EVC2: variants seen among roughly 807,000 people sequenced by gnomAD.
EVC2 encodes limbin.
A neutral mutation model predicts 149.3 loss-of-function variants in EVC2; 148 were observed. That is an observed-to-expected ratio of 0.99 (90% CI 0.87 to 1.14). The LOEUF is 1.14. Among genes scored for constraint, EVC2 ranks in the 50% most tolerant of loss-of-function variants. The pLI, the probability that EVC2 is intolerant of heterozygous loss-of-function variation, is 0.00. For synonymous variants in EVC2, 776 were observed against 649.9 expected (o/e 1.19, Z -2.95); for missense variants, 1,854 against 1,627.3 (o/e 1.14, Z -2.40).
intron 12 of EVC2, among the ~76,000 whole-genome samples, chr4:5,627,660 T>C (rs897975078): frequency 6.6e-6 from 1 of 152,172 alleles, no homozygotes; most frequent in Non-Finnish European, 1.5e-5. Flanking sequence ...CCTCAAAGAA[T>C]AGCTGAGAAG....
Position 5,576,408 on chromosome 4 carries a change from T to C in EVC2, c.3104A>G (p.Gln1035Arg), listed in dbSNP as rs752619592. The change falls in exon 18 of 22, where the codon CAG (glutamine) becomes CGG (arginine). Residue 1035 changes from glutamine (Q) to arginine (R), a missense_variant. By Grantham distance (43) the Gln-to-Arg change is conservative (BLOSUM62 1). Coordinates refer to ENST00000344408, the MANE Select transcript of EVC2 (RefSeq NM_147127.5). This position sits in a 1 kb window ranked among gnomAD's most constrained non-coding sequence, Gnocchi z 4.5. Reference sequence around the variant, plus strand: ...GGCCTGCTGCTGCTGGGCTGCCTCCTGCTGCACCAGCTGGTCCTCCAGCTT... The same window carrying C: ...GGCCTGCTGCTGCTGGGCTGCCTCCCGCTGCACCAGCTGGTCCTCCAGCTT... ...ERKLEDQLVQ[Q>R]EAAQQQQALA... 1 of 1,612,764 alleles carries C rather than the reference T, an allele frequency of 6.2e-7. No homozygotes were observed. The highest frequency in any genetic ancestry group is 2.2e-5 in the East Asian group (1 of 44,842).
intron 16 of EVC2, among the ~76,000 whole-genome samples, chr4:5,589,993 G>C (rs988357464): frequency 4.6e-5 from 7 of 152,088 alleles, no homozygotes; most frequent in Non-Finnish European, 1.0e-4. Flanking sequence ...AAGGTGGAGG[G>C]GTCAGGGAAA....
At chr4:5,691,402 C>A in intron 3 of EVC2, 69 bp from the exon 4 acceptor site, 1 of 1,319,536 alleles carries the variant, frequency 7.6e-7, no homozygotes, top group Non-Finnish European at 1.1e-6. Context: ...AATAAAAGTA[C>A]AAGATAATGA....
At chr4:5,687,067 G>C (rs1720768762) in intron 5 of EVC2, among the ~76,000 whole-genome samples, 1 of 151,746 alleles carries the variant, frequency 6.6e-6, no homozygotes, top group Non-Finnish European at 1.5e-5. Context: ...GACCAGCCTG[G>C]GCAATATGGT....
intron 3 of EVC2, among the ~76,000 whole-genome samples, chr4:5,693,005 G>A (rs1227122838): frequency 1.3e-5 from 2 of 151,608 alleles, no homozygotes; most frequent in African/African-American, 4.9e-5. Context: ...CTACACCCCC[G>A]CTAATGCCTT....
intron 9 of EVC2, among the ~76,000 whole-genome samples, chr4:5,650,017 T>C (rs1717997127): frequency 6.6e-6 from 1 of 152,150 alleles, no homozygotes; most frequent in African/African-American, 2.4e-5. Flanking sequence ...AAATTTCTAG[T>C]TGGGTAAAAC....
At chr4:5,668,130 T>C (rs968353356) in intron 7 of EVC2, among the ~76,000 whole-genome samples, 2 of 152,222 alleles carry the variant, frequency 1.3e-5, no homozygotes, top group Non-Finnish European at 2.9e-5. Flanking sequence ...CTCCAGACCA[T>C]GGGATACCGA....
At chr4:5,665,034 G>GACGGGATGCCCGTGGGTA (rs1156721902) in intron 8 of EVC2, among the ~76,000 whole-genome samples, 38 of 151,512 alleles carry the variant, frequency 2.5e-4, no homozygotes, top group African/African-American at 9.0e-4. Context: ...GCGTGTGGGT[G>GACGGGATGCCCGTGGGTA]ATGGGATGCC....
chr4:5,646,677 G>C (rs986622029), intron 9 of EVC2, among the ~76,000 whole-genome samples: 2 of 152,142 alleles, frequency 1.3e-5, no homozygotes, highest in Non-Finnish European at 2.9e-5. Flanking sequence ...TAATGAGTTT[G>C]GGTTTGTTTG....
chr4:5,662,822 G>C (rs2108895435), intron 9 of EVC2, among the ~76,000 whole-genome samples: 1 of 151,422 alleles, frequency 6.6e-6, no homozygotes, highest in Non-Finnish European at 1.5e-5. Flanking sequence ...TGCTCTGCCG[G>C]CCCTGACCTT....
At chr4:5,708,694 G>C, upstream of EVC2, 1 of 480,968 alleles carries the variant, frequency 2.1e-6, no homozygotes, top group South Asian at 4.3e-5. Flanking sequence ...CGTGGGAGGG[G>C]GAGAGCGAGT....
At chr4:5,539,386 T>C (rs1177482585), downstream of EVC2, among the ~76,000 whole-genome samples, 1 of 152,120 alleles carries the variant, frequency 6.6e-6, no homozygotes, top group African/African-American at 2.4e-5. Context: ...TTCGACACAA[T>C]CTGAATCAAA....
chr4:5,597,376 A>C (rs1387602431), intron 16 of EVC2, among the ~76,000 whole-genome samples: 1 of 152,216 alleles, frequency 6.6e-6, no homozygotes, highest in African/African-American at 2.4e-5. Flanking sequence ...ACCATGATCA[A>C]GTGGGCTTCA....
At chr4:5,535,601 A>AGAGAGAGAGAGAGAGAGAG in the EVC2 span, among the ~76,000 whole-genome samples, 1 of 118,256 alleles carries the variant, frequency 8.5e-6, no homozygotes, top group South Asian at 3.4e-4. This position sits in a 1 kb window ranked among gnomAD's most constrained non-coding sequence, Gnocchi z 4.7. Flanking sequence ...CATGCTTAGA[A>AGAGAGAGAGAGAGAGAGAG]AGAGAGAGAG....
intron 16 of EVC2, among the ~76,000 whole-genome samples, chr4:5,591,724 G>C (rs527976476): frequency 2.0e-5 from 3 of 152,124 alleles, no homozygotes; most frequent in African/African-American, 7.2e-5. Flanking sequence ...CCAGCACCAT[G>C]AGAATGTGTC....
At chr4:5,617,182 G>C (rs1232636897) in intron 15 of EVC2, among the ~76,000 whole-genome samples, 1 of 152,084 alleles carries the variant, frequency 6.6e-6, no homozygotes, top group African/African-American at 2.4e-5. Context: ...ATATGTCTGA[G>C]TTTTTTTCTT....
At chr4:5,600,099 T>C (rs1026940242) in intron 16 of EVC2, among the ~76,000 whole-genome samples, 1 of 152,214 alleles carries the variant, frequency 6.6e-6, no homozygotes, top group East Asian at 1.9e-4. Context: ...TGCTTTGTTG[T>C]ATTTTAAGGT....
At chr4:5,577,996 C>T (rs1415054446) in intron 17 of EVC2, among the ~76,000 whole-genome samples, 1 of 151,862 alleles carries the variant, frequency 6.6e-6, no homozygotes, top group African/African-American at 2.4e-5. Flanking sequence ...GTGGAACACA[C>T]AGAGCTTTTC....
intron 16 of EVC2, among the ~76,000 whole-genome samples, chr4:5,606,197 C>T (rs111756872): frequency 1.2e-3 from 180 of 152,270 alleles, no homozygotes; most frequent in African/African-American, 3.8e-3. Context: ...GACCTCATGA[C>T]CCGGCTCCCA....
Sources: gnomAD v4.1 joint callset for allele counts (sites outside exome capture counted in the v4.1 genomes callset) on GRCh38, gnomAD v4.1.1 for gene constraint, Gnocchi (gnomAD v3.1) non-coding constraint, MANE v1.5 for transcripts, NCBI Gene and HGNC (gene_info 2026-07-23, HGNC 2026-07-21) for gene names.